Variants in ENOX1 observed in about 807,000 individuals in gnomAD.
ENOX1 encodes candidate growth-related and time keeping constitutive hydroquinone (NADH) oxidase.
In ENOX1, 42 loss-of-function variants were observed where a neutral mutation model predicts 82.5. The ratio of observed to expected loss-of-function variants is 0.51; its 90% CI spans 0.40 to 0.66. The LOEUF is 0.66. Ranked by LOEUF, ENOX1 falls within the 30% of genes least tolerant of loss-of-function variation. ENOX1 has a pLI of 0.00. For missense variants in ENOX1, 608 were observed against 811.6 expected, an observed-to-expected ratio of 0.75 and a Z score of 3.05; for synonymous variants, 271 against 282.2, an observed-to-expected ratio of 0.96 and a Z score of 0.40.
At chr13:43,616,177 T>TATAGATAG (rs1566642041) in intron 2 of ENOX1, among the ~76,000 whole-genome samples, 117 of 5,224 alleles carry the variant, frequency 0.022, 11 homozygotes, top group Non-Finnish European at 0.07. Context: ...TATCTATCTA[T>TATAGATAG]CTATCTATCT....
chr13:43,469,404 T>C (rs2057887490), intron 3 of ENOX1, among the ~76,000 whole-genome samples: 1 of 152,038 alleles, frequency 6.6e-6, no homozygotes, highest in South Asian at 2.1e-4. Context: ...TAATAAAGAA[T>C]AGTGGTCTAC....
At chr13:43,470,307 C>CACATATATATACAT (rs1566306008) in intron 3 of ENOX1, among the ~76,000 whole-genome samples, 1 of 42,492 alleles carries the variant, frequency 2.4e-5, no homozygotes, top group African/African-American at 6.9e-5. Flanking sequence ...CATATATATA[C>CACATATATATACAT]ATATATATAC....
At chr13:43,269,395 C>A (rs745632218) in intron 13 of ENOX1, 75 bp downstream of exon 13, 17 of 1,127,166 alleles carry the variant, frequency 1.5e-5, no homozygotes, top group Non-Finnish European at 1.3e-6. Flanking sequence ...AATGTTTGCA[C>A]GGGTGACGCA....
At chr13:43,523,810 G>C (rs933999158) in intron 2 of ENOX1, among the ~76,000 whole-genome samples, 2 of 152,056 alleles carry the variant, frequency 1.3e-5, no homozygotes, top group Non-Finnish European at 2.9e-5. Flanking sequence ...ATTAACTAAT[G>C]CTATGTATTT....
At chr13:43,532,770 G>A (rs1475521919) in intron 2 of ENOX1, among the ~76,000 whole-genome samples, 1 of 152,000 alleles carries the variant, frequency 6.6e-6, no homozygotes, top group Non-Finnish European at 1.5e-5. Flanking sequence ...CTGCAAAAAT[G>A]TGAAAGGATA....
At chr13:43,757,195 C>T (rs548328994) in intron 1 of ENOX1, among the ~76,000 whole-genome samples, 29 of 152,216 alleles carry the variant, frequency 1.9e-4, no homozygotes, top group African/African-American at 6.3e-4. Context: ...CAAAATGGCC[C>T]TCAATTCTCT....
chr13:43,355,756 C>A (rs767790313), intron 8 of ENOX1, among the ~76,000 whole-genome samples, 163 bp downstream of exon 8: 1 of 152,188 alleles, frequency 6.6e-6, no homozygotes, highest in African/African-American at 2.4e-5. Flanking sequence ...TAACCCCACC[C>A]CAGCTCTGTA....
intron 3 of ENOX1, among the ~76,000 whole-genome samples, chr13:43,470,537 GA>G (rs2058026089): frequency 6.7e-6 from 1 of 149,696 alleles, no homozygotes; most frequent in Non-Finnish European, 1.5e-5. Flanking sequence ...ACATCACTAA[GA>G]GAATAAATTA....
rs988997022 is a variant in ENOX1 at position 43,745,765 on chromosome 13, T to C, written c.-285+40887A>G. ...GACCCAGTAGGGGGTGATTTAATCATGGGGGCAGTCACCCTCATGCCATTC... is the reference window on the plus strand; with the variant it reads ...GACCCAGTAGGGGGTGATTTAATCACGGGGGCAGTCACCCTCATGCCATTC... On this transcript the variant is annotated intron_variant, in intron 1 of 16. Coordinates refer to ENST00000690772, the MANE Select transcript of ENOX1 (RefSeq NM_001347969.2). 2.0e-5 allele frequency among the ~76,000 whole-genome samples: 3 copies of C among 152,162 alleles called. No individual in the cohort carries two copies. In the East Asian group the frequency reaches 5.8e-4, roughly 29 times the overall value.
At chr13:43,272,170 C>T (rs1196355981) in intron 12 of ENOX1, among the ~76,000 whole-genome samples, 1 of 152,032 alleles carries the variant, frequency 6.6e-6, no homozygotes, top group Non-Finnish European at 1.5e-5. Flanking sequence ...TAGGTATACA[C>T]GTTACTATTT....
intron 3 of ENOX1, among the ~76,000 whole-genome samples, chr13:43,468,467 C>G (rs1271809149): frequency 1.3e-5 from 2 of 151,930 alleles, no homozygotes; most frequent in Non-Finnish European, 2.9e-5. Flanking sequence ...AGGTGTGGGT[C>G]ACCATGGCTG....
intron 3 of ENOX1, among the ~76,000 whole-genome samples, chr13:43,435,387 C>T (rs947172545): frequency 1.2e-4 from 19 of 152,148 alleles, no homozygotes; most frequent in Admixed American, 2.0e-4. Context: ...TTCCAACTGA[C>T]AATGCCACCA....
intron 16 of ENOX1, among the ~76,000 whole-genome samples, chr13:43,214,444 G>A (rs985882238): frequency 2.6e-5 from 4 of 152,078 alleles, no homozygotes; most frequent in African/African-American, 9.7e-5. Flanking sequence ...AATTTAAGAG[G>A]GCTCCCAGCA....
chr13:43,758,493 G>A (rs1426293922), intron 1 of ENOX1, among the ~76,000 whole-genome samples: 3 of 152,230 alleles, frequency 2.0e-5, no homozygotes, highest in African/African-American at 7.2e-5. Context: ...AGAGAGGAAG[G>A]TGGATGTGCA....
intron 3 of ENOX1, among the ~76,000 whole-genome samples, chr13:43,422,151 C>T (rs2055016325): frequency 6.6e-6 from 1 of 152,160 alleles, no homozygotes; most frequent in East Asian, 1.9e-4. Context: ...TCAGATCTTT[C>T]AAGATAAGCT....
At chr13:43,371,554 T>C (rs1261431024) in intron 5 of ENOX1, among the ~76,000 whole-genome samples, 1 of 152,220 alleles carries the variant, frequency 6.6e-6, no homozygotes, top group Non-Finnish European at 1.5e-5. Flanking sequence ...AACCTGCATC[T>C]TTCTGAGGCA....
chr13:43,448,673 C>T (rs1454953688), intron 3 of ENOX1, among the ~76,000 whole-genome samples: 1 of 152,164 alleles, frequency 6.6e-6, no homozygotes. Flanking sequence ...GAGATGTCAC[C>T]TCCCTACTTT....
chr13:43,550,637 A>G (rs7318630), intron 2 of ENOX1, among the ~76,000 whole-genome samples: 1,904 of 152,272 alleles, frequency 0.013, 34 homozygotes, highest in African/African-American at 0.044. Context: ...AAAAACTCTG[A>G]GAGGGTTAAA....
chr13:43,595,585 A>G (rs2081433299), intron 2 of ENOX1, among the ~76,000 whole-genome samples: 1 of 152,154 alleles, frequency 6.6e-6, no homozygotes, highest in Non-Finnish European at 1.5e-5. Context: ...CCCTCAATTA[A>G]CATTCTTTCA....
Sources: gnomAD v4.1 joint callset for allele counts (sites outside exome capture counted in the v4.1 genomes callset) on GRCh38, gnomAD v4.1.1 for gene constraint, MANE v1.5 for transcripts, NCBI Gene and HGNC (gene_info 2026-07-23, HGNC 2026-07-21) for gene names.